Variants in PDZK1 observed in about 807,000 individuals in gnomAD.
PDZK1 encodes PDZ domain containing 1, also known as Na(+)/H(+) exchange regulatory cofactor NHE-RF3.
A neutral mutation model predicts 38.1 loss-of-function variants in PDZK1; 23 were observed. The ratio of observed to expected loss-of-function variants is 0.60; its 90% CI spans 0.43 to 0.85. The LOEUF is 0.85. Ranked by LOEUF, PDZK1 falls within the 40% of genes least tolerant of loss-of-function variation. The pLI is 0.00. For missense variants in PDZK1, 297 were observed against 504.3 expected, an observed-to-expected ratio of 0.59 and a Z score of 3.94; for synonymous variants, 98 against 186.2, an observed-to-expected ratio of 0.53 and a Z score of 3.86.
intron 1 of PDZK1, among the ~76,000 whole-genome samples, chr1:145,693,067 CA>C (rs1319955672): frequency 6.6e-6 from 1 of 151,974 alleles, no homozygotes; most frequent in Non-Finnish European, 1.5e-5. Context: ...AAACATGGGC[CA>C]GGGGTAAGTA....
intron 1 of PDZK1, among the ~76,000 whole-genome samples, chr1:145,695,250 G>A (rs1655561692): frequency 6.6e-6 from 1 of 151,814 alleles, no homozygotes; most frequent in African/African-American, 2.4e-5. Flanking sequence ...GCGAAACCCT[G>A]CCTCTACCAA....
intron 1 of PDZK1, among the ~76,000 whole-genome samples, chr1:145,697,729 T>G (rs898586021): frequency 5.3e-5 from 8 of 149,886 alleles, no homozygotes; most frequent in African/African-American, 2.0e-4. Flanking sequence ...CCTGAGTAGT[T>G]GGGATTTCAG....
chr1:145,686,090 A>G (rs782227263), intron 3 of PDZK1, among the ~76,000 whole-genome samples: 30 of 152,152 alleles, frequency 2.0e-4, no homozygotes, highest in Non-Finnish European at 3.2e-4. Context: ...AAAAATAGCT[A>G]TTATGAAGAA....
rs183418677 is a variant in PDZK1, at chr1:145,674,365, T to C, written c.991-484A>G. ...GAAAAAGTAAAACACAAGACACTTG[T>C]GATAGTTAATTTTAGATGCCAACTT... On this transcript the variant is annotated intron_variant, in intron 6 of 8. Coordinates refer to ENST00000417171, the MANE Select transcript of PDZK1 (RefSeq NM_001201325.2). 9.1e-3 allele frequency: 5,620 copies of C among 617,572 alleles called. 259 individuals carry two copies. In the African/African-American group the frequency reaches 0.1, roughly 11 times the overall value. 38.3% of individuals were successfully genotyped at this position (617,572 alleles called of 1,614,324 possible). A position where few individuals can be genotyped will look rare whatever the true frequency, so the allele number is the denominator to read the frequency against.
chr1:145,682,006 CAA>C (rs1446871279), intron 4 of PDZK1, among the ~76,000 whole-genome samples: 5 of 70,564 alleles, frequency 7.1e-5, no homozygotes, highest in South Asian at 5.7e-4. Flanking sequence ...CCTATCTCTA[CAA>C]AACACACACA....
In PDZK1 at chr1:145,672,718, G is replaced by T; in HGVS notation, c.1506+12C>A. ...TAAATTAGATCACGAAAAGAAATAGGCCCCCACTCACCCGTTCTTTTGCCA... is the reference window on the plus strand; with the variant it reads ...TAAATTAGATCACGAAAAGAAATAGTCCCCCACTCACCCGTTCTTTTGCCA... On this transcript the variant is annotated intron_variant, in intron 8 of 8. Transcript: ENST00000417171. 6.2e-7 allele frequency: 1 copy of T among 1,611,686 alleles called. No individual in the cohort carries two copies. Among genetic ancestry groups the T allele is most frequent in the Non-Finnish European group, 8.5e-7 (1 of 1,179,704 alleles).
At chr1:145,672,706 G>A (rs782151566) in intron 8 of PDZK1, 24 bp downstream of exon 8, 20 of 1,611,270 alleles carry the variant, frequency 1.2e-5, no homozygotes, top group African/African-American at 6.7e-5. Flanking sequence ...ATTAGATCAC[G>A]AAAAGAAATA....
chr1:145,691,029 A>G (rs1458227306), intron 1 of PDZK1, among the ~76,000 whole-genome samples: 1 of 152,172 alleles, frequency 6.6e-6, no homozygotes, highest in Non-Finnish European at 1.5e-5. Context: ...AAATGCTACC[A>G]TACTGGTGGG....
At chr1:145,683,333 A>G (rs1276748483) in intron 3 of PDZK1, among the ~76,000 whole-genome samples, 2 of 152,250 alleles carry the variant, frequency 1.3e-5, no homozygotes, top group African/African-American at 4.8e-5. Context: ...GGCCCCTTGA[A>G]CCAGAAAGCG....
intron 1 of PDZK1, among the ~76,000 whole-genome samples, chr1:145,695,136 C>T (rs1655554447): frequency 6.6e-6 from 1 of 151,932 alleles, no homozygotes; most frequent in South Asian, 2.1e-4. Context: ...GAAAGTTTGC[C>T]AGGTGCGGTG....
Position 145,687,991 on chromosome 1 carries a change from T to C in PDZK1, c.31A>G (p.Lys11Glu). MTSTFNPREC[K>E]LSKQEGQNYG... is the part of the protein sequence containing the mutation. ...TTTTGCCCTTCTTGCTTGGACAGTT[T>C]ACATTCTCGGGGGTTGAAGGTGGAG... The change falls in exon 2 of 9, where the codon AAA becomes GAA. Residue 11 changes from lysine to glutamate, a missense_variant. Transcript: ENST00000417171. 1.9e-6 allele frequency: 3 copies of C among 1,613,210 alleles called. No individual in the cohort carries two copies. Among genetic ancestry groups the C allele is most frequent in the South Asian group, 1.1e-5 (1 of 91,014 alleles).
chr1:145,672,282 T>TCAAAG (rs1236481695), intron 8 of PDZK1, among the ~76,000 whole-genome samples: 1 of 151,884 alleles, frequency 6.6e-6, no homozygotes, highest in Non-Finnish European at 1.5e-5. Flanking sequence ...CAGCCACTAT[T>TCAAAG]CAAAGCACTT....
intron 2 of PDZK1, 110 bp downstream of exon 2, chr1:145,687,702 G>T: frequency 1.1e-6 from 1 of 884,168 alleles, no homozygotes; most frequent in Non-Finnish European, 1.9e-6. Context: ...TGCCTTGCCA[G>T]TGGCAGCCAG....
chr1:145,681,940 C>G (rs1303733843), intron 4 of PDZK1, among the ~76,000 whole-genome samples: 1 of 63,850 alleles, frequency 1.6e-5, no homozygotes, highest in African/African-American at 7.9e-5. Flanking sequence ...GAGGCCAAGG[C>G]GGGCAGATCA....
At chr1:145,690,594 T>C (rs1655163556) in intron 1 of PDZK1, among the ~76,000 whole-genome samples, 1 of 152,214 alleles carries the variant, frequency 6.6e-6, no homozygotes, top group Admixed American at 6.5e-5. Flanking sequence ...TACTATGTTT[T>C]CATCAAGAGA....
chr1:145,676,947 T>A (rs1553699382), intron 6 of PDZK1, among the ~76,000 whole-genome samples: 3 of 152,038 alleles, frequency 2.0e-5, no homozygotes, highest in African/African-American at 7.3e-5. Context: ...GAGGCATTAT[T>A]CTACATGCTC....
Position 145,686,607 on chromosome 1 carries a change from C to T in PDZK1, c.330G>A (p.Lys110=), listed in dbSNP as rs1461428206. 3.7e-6 allele frequency: 6 copies of T among 1,607,536 alleles called. No individual in the cohort carries two copies. Among genetic ancestry groups the T allele is most frequent in the Non-Finnish European group, 3.4e-6 (4 of 1,177,094 alleles). The change falls in exon 3 of 9, where the codon AAG becomes AAA. Residue 110 remains lysine, a synonymous_variant. Transcript: ENST00000417171. The part of the protein sequence containing the change: ...VDLKELGQSQ[K]EQGLSDNILS... ...GTATATTATCACTCAAACCTTGCTC[C>T]TTCTGACTTTGACCCAACTCTTTCA...
At chr1:145,692,667 T>C (rs1571625498) in intron 1 of PDZK1, among the ~76,000 whole-genome samples, 1 of 148,212 alleles carries the variant, frequency 6.7e-6, no homozygotes, top group South Asian at 2.1e-4. Context: ...GCCAAAATCG[T>C]GCCAGTGCAC....
chr1:145,696,482 C>G (rs1177415835), intron 1 of PDZK1, among the ~76,000 whole-genome samples: 1 of 152,058 alleles, frequency 6.6e-6, no homozygotes, highest in Non-Finnish European at 1.5e-5. Flanking sequence ...AGGGTGGGAC[C>G]CTAATTCAAC....
Sources: gnomAD v4.1 joint callset for allele counts (sites outside exome capture counted in the v4.1 genomes callset) on GRCh38, gnomAD v4.1.1 for gene constraint, MANE v1.5 for transcripts, NCBI Gene and HGNC (gene_info 2026-07-23, HGNC 2026-07-21) for gene names.